ANGPT1: variants seen among roughly 807,000 people sequenced by gnomAD.
ANGPT1 encodes the protein angiopoietin-1.
In ANGPT1, 17 loss-of-function variants were observed where a neutral mutation model predicts 62.2. The ratio of observed to expected loss-of-function variants is 0.27; its 90% CI spans 0.19 to 0.41. The LOEUF (loss-of-function observed/expected upper bound fraction) is 0.41. Ranked by LOEUF, ANGPT1 falls within the 10% of genes least tolerant of loss-of-function variation. The pLI is 1.00. For synonymous variants in ANGPT1, 199 were observed against 198.9 expected, an observed-to-expected ratio of 1.00 and a Z score of 0.00; for missense variants, 478 against 594.9, an observed-to-expected ratio of 0.80 and a Z score of 2.04.
At chr8:107,355,150 C>T (rs1383489077) in intron 1 of ANGPT1, among the ~76,000 whole-genome samples, 1 of 152,144 alleles carries the variant, frequency 6.6e-6, no homozygotes, top group Non-Finnish European at 1.5e-5. Context: ...GATCTACCCA[C>T]CTGAGCCTCT....
At chr8:107,353,554 C>T (rs1000180214) in intron 1 of ANGPT1, among the ~76,000 whole-genome samples, 3 of 152,174 alleles carry the variant, frequency 2.0e-5, no homozygotes, top group Admixed American at 1.3e-4. Context: ...GTTCTTGCTT[C>T]CTACCATTGA....
chr8:107,396,700 T>C (rs1289901746), intron 1 of ANGPT1, among the ~76,000 whole-genome samples: 3 of 151,778 alleles, frequency 2.0e-5, no homozygotes, highest in Admixed American at 6.6e-5. Flanking sequence ...TTTCTGTACG[T>C]TTTGTAAAGA....
chr8:107,460,264 G>T (rs547945884), intron 1 of ANGPT1, among the ~76,000 whole-genome samples: 1 of 152,088 alleles, frequency 6.6e-6, no homozygotes, highest in African/African-American at 2.4e-5. Flanking sequence ...AATCCTTTTG[G>T]GGGAGAGGGG....
chr8:107,276,180 T>C (rs1440873467), intron 7 of ANGPT1, among the ~76,000 whole-genome samples: 1 of 152,108 alleles, frequency 6.6e-6, no homozygotes, highest in Non-Finnish European at 1.5e-5. Flanking sequence ...ACTTCTCTGT[T>C]TTAGGAAGTA....
chr8:107,477,132 T>C (rs1396439452), intron 1 of ANGPT1, among the ~76,000 whole-genome samples: 1 of 152,148 alleles, frequency 6.6e-6, no homozygotes. Flanking sequence ...ATTTTATTTG[T>C]CACCTTACCT....
intron 3 of ANGPT1, among the ~76,000 whole-genome samples, chr8:107,335,661 T>C (rs1437387888): frequency 6.6e-6 from 1 of 152,200 alleles, no homozygotes; most frequent in Non-Finnish European, 1.5e-5. Flanking sequence ...ATCAGCTTTA[T>C]AGGTAAATTA....
chr8:107,373,635 G>T (rs1654713), intron 1 of ANGPT1, among the ~76,000 whole-genome samples: 2 of 151,882 alleles, frequency 1.3e-5, no homozygotes, highest in East Asian at 1.9e-4. Flanking sequence ...TAAGTTCTAC[G>T]ATGATGGAAG....
At chr8:107,479,747 T>G (rs1228046288) in intron 1 of ANGPT1, among the ~76,000 whole-genome samples, 2 of 152,194 alleles carry the variant, frequency 1.3e-5, no homozygotes, top group African/African-American at 4.8e-5. Flanking sequence ...CAGAAAAATT[T>G]CAAACAATGT....
chr8:107,301,134 T>C (rs1208142885), intron 5 of ANGPT1, among the ~76,000 whole-genome samples: 1 of 151,922 alleles, frequency 6.6e-6, no homozygotes, highest in Non-Finnish European at 1.5e-5. Context: ...ACAGACCACA[T>C]GGTAGTACTG....
chr8:107,355,026 C>T (rs1372904121), intron 1 of ANGPT1, among the ~76,000 whole-genome samples: 3 of 151,578 alleles, frequency 2.0e-5, no homozygotes, highest in Non-Finnish European at 2.9e-5. Flanking sequence ...TTTCCTGCCT[C>T]GGCCTCCCAA....
At chr8:107,416,839 TG>T (rs1285903623) in intron 1 of ANGPT1, among the ~76,000 whole-genome samples, 1 of 150,026 alleles carries the variant, frequency 6.7e-6, no homozygotes, top group Non-Finnish European at 1.5e-5. Flanking sequence ...CACTCTGTCC[TG>T]GAGTGCAGTG....
At chr8:107,386,622 C>A (rs1816736575) in intron 1 of ANGPT1, among the ~76,000 whole-genome samples, 1 of 152,042 alleles carries the variant, frequency 6.6e-6, no homozygotes, top group African/African-American at 2.4e-5. Flanking sequence ...CTGGAGTCAG[C>A]TTGCCTGGAG....
intron 7 of ANGPT1, 64 bp from the exon 8 acceptor site, chr8:107,264,415 C>T: frequency 6.4e-7 from 1 of 1,557,744 alleles, no homozygotes. Flanking sequence ...CCCAGAAGAC[C>T]AGCTTGTTGA....
chr8:107,310,901 G>C (rs1281842095), intron 4 of ANGPT1, among the ~76,000 whole-genome samples: 2 of 151,870 alleles, frequency 1.3e-5, no homozygotes, highest in African/African-American at 2.4e-5. Context: ...GGTAGTGAGA[G>C]TGGGAATATG....
At position 107,307,440 on chromosome 8, in the gene ANGPT1, T is replaced by C. The variant is rs183357757; in HGVS notation, c.809-4073A>G. On this transcript the variant is annotated intron_variant, in intron 4 of 8. Transcript: ENST00000517746. Reference sequence around the variant, plus strand: ...GTGTATTGCAAATCTTTCTACTGTTTTAAAAAACTACATCTTATCTTCTCT... The same window carrying C: ...GTGTATTGCAAATCTTTCTACTGTTCTAAAAAACTACATCTTATCTTCTCT... Among the ~76,000 whole-genome samples, 30 of 152,232 alleles carry C rather than the reference T, an allele frequency of 2.0e-4. No homozygotes were observed. The East Asian group carries it at 4.5e-3, about 23-fold the overall frequency.
At chr8:107,304,178 T>C (rs73311611) in intron 4 of ANGPT1, among the ~76,000 whole-genome samples, 44 of 148,514 alleles carry the variant, frequency 3.0e-4, no homozygotes, top group Middle Eastern at 3.6e-3. Context: ...AATCTATTAA[T>C]AGTTAGAGAC....
intron 1 of ANGPT1, among the ~76,000 whole-genome samples, chr8:107,482,859 G>A (rs765798532): frequency 6.6e-6 from 1 of 152,100 alleles, no homozygotes; most frequent in Admixed American, 6.5e-5. Context: ...GAATGGGTTG[G>A]AATGATGTGT....
At chr8:107,274,120 C>T (rs1813804358) in intron 7 of ANGPT1, among the ~76,000 whole-genome samples, 1 of 152,122 alleles carries the variant, frequency 6.6e-6, no homozygotes, top group Non-Finnish European at 1.5e-5. Flanking sequence ...GTTATTTCTG[C>T]ATCAGCATCA....
chr8:107,450,081 A>G (rs1034871646), intron 1 of ANGPT1, among the ~76,000 whole-genome samples: 2 of 152,114 alleles, frequency 1.3e-5, no homozygotes, highest in Admixed American at 1.3e-4. Context: ...ACAGTATGGC[A>G]AAAGCATTCT....
Sources: gnomAD v4.1 joint callset for allele counts (sites outside exome capture counted in the v4.1 genomes callset) on GRCh38, gnomAD v4.1.1 for gene constraint, MANE v1.5 for transcripts, NCBI Gene and HGNC (gene_info 2026-07-23, HGNC 2026-07-21) for gene names.